ZBBX: variants seen among roughly 807,000 people sequenced by gnomAD.
ZBBX encodes zinc finger B-box domain containing.
In ZBBX, 101 loss-of-function variants were observed where a neutral mutation model predicts 108.5. The observed-to-expected ratio is 0.93, with a 90% confidence interval of 0.79 to 1.10. ZBBX has a LOEUF of 1.10. ZBBX is among the 50% of genes least tolerant of loss of function. The pLI, the probability that ZBBX is intolerant of heterozygous loss-of-function variation, is 0.00. For missense variants in ZBBX, 1,009 were observed against 941.4 expected (o/e 1.07, Z -0.94); for synonymous variants, 356 against 323.4 (o/e 1.10, Z -1.08).
downstream of ZBBX, among the ~76,000 whole-genome samples, chr3:167,239,538 TC>T (rs1488988614): frequency 1.3e-5 from 2 of 152,134 alleles, no homozygotes; most frequent in African/African-American, 2.4e-5. Context: ...TATTTTCTCC[TC>T]CTTATGATTT....
intron 10 of ZBBX, among the ~76,000 whole-genome samples, chr3:167,330,816 A>T (rs1163771335): frequency 1.4e-5 from 2 of 143,842 alleles, no homozygotes; most frequent in African/African-American, 5.1e-5. Flanking sequence ...AAGGAGGAGG[A>T]GAAGCAGAAG....
At chr3:167,204,491 G>A in the ZBBX span, among the ~76,000 whole-genome samples, 6 of 146,712 alleles carry the variant, frequency 4.1e-5, no homozygotes, top group Non-Finnish European at 1.5e-5. Context: ...AATATGCGGT[G>A]TTTGGTTTTT....
chr3:167,366,605 G>T (rs1745357591), intron 5 of ZBBX, among the ~76,000 whole-genome samples: 1 of 151,868 alleles, frequency 6.6e-6, no homozygotes. Flanking sequence ...AAATAATTAA[G>T]ATTGGAGCAC....
At chr3:167,254,936 CAG>C (rs1723235436) in intron 20 of ZBBX, among the ~76,000 whole-genome samples, 1 of 40,808 alleles carries the variant, frequency 2.5e-5, no homozygotes, top group Non-Finnish European at 4.7e-5. Flanking sequence ...GAGAGAGAGA[CAG>C]AGAATCTAGG....
chr3:167,233,318 T>G, the ZBBX span, among the ~76,000 whole-genome samples: 1 of 151,656 alleles, frequency 6.6e-6, no homozygotes, highest in Non-Finnish European at 1.5e-5. Flanking sequence ...GCTTCTAGAG[T>G]TAAATATACA....
chr3:167,246,733 T>C (rs967751271), intron 20 of ZBBX, among the ~76,000 whole-genome samples: 2 of 152,222 alleles, frequency 1.3e-5, no homozygotes, highest in South Asian at 2.1e-4. Context: ...CTAAATTTCT[T>C]CAGGCTACAG....
intron 9 of ZBBX, among the ~76,000 whole-genome samples, chr3:167,341,344 C>A (rs1740502093): frequency 6.6e-6 from 1 of 151,628 alleles, no homozygotes; most frequent in Admixed American, 6.6e-5. Context: ...TCAGTTTGGA[C>A]TCAATATTTA....
the ZBBX span, among the ~76,000 whole-genome samples, chr3:167,179,230 A>G: frequency 6.6e-6 from 1 of 152,228 alleles, no homozygotes; most frequent in African/African-American, 2.4e-5. Flanking sequence ...AAAGAGAATT[A>G]GGTTCCAATC....
the ZBBX span, among the ~76,000 whole-genome samples, chr3:167,197,842 A>G: frequency 6.6e-6 from 1 of 152,226 alleles, no homozygotes; most frequent in Non-Finnish European, 1.5e-5. Flanking sequence ...CAAAAATTGT[A>G]TGAAATAATA....
At chr3:167,336,233 G>A (rs1486227484) in intron 9 of ZBBX, among the ~76,000 whole-genome samples, 1 of 151,848 alleles carries the variant, frequency 6.6e-6, no homozygotes, top group East Asian at 1.9e-4. Context: ...TTTTTAGGTA[G>A]CATATTAAGA....
Position 167,348,342 on chromosome 3 carries a change from AAGAAAGAAAGAAAGAAAGAAAGAAAG to A in ZBBX, c.528+2052_528+2077del, listed in dbSNP as rs1266120889. The stretch of plus-strand genomic sequence containing the variant: ...AAAGAAAGAAAGAAAGAAAGAAAGA[AAGAAAGAAAGAAAGAAAGAAAGAAAG>A]AAAAAAAAGAAAAGAAAAGAAGAAG... On this transcript the variant is annotated intron_variant, in intron 9 of 21. Transcript: ENST00000675490. Among the ~76,000 whole-genome samples the A allele has an allele frequency of 9.0e-4, 99 of 109,824 alleles. 1 individual carries two copies. Among genetic ancestry groups the A allele is most frequent in the African/African-American group, 3.8e-3 (95 of 25,276 alleles). The allele number at this position is 109,824 out of a possible 152,430, so 72.0% of individuals were successfully genotyped here.
At chr3:167,406,933 G>A (rs76154793) in intron 1 of ZBBX, among the ~76,000 whole-genome samples, 4,562 of 152,302 alleles carry the variant, frequency 0.03, 116 homozygotes, top group Non-Finnish European at 0.03. Context: ...TGAAAGATCA[G>A]TTTTATCCAA....
the ZBBX span, among the ~76,000 whole-genome samples, chr3:167,203,706 C>A: frequency 3.3e-5 from 5 of 152,042 alleles, no homozygotes; most frequent in Admixed American, 3.3e-4. Flanking sequence ...TCTTTATAAG[C>A]AATTATCTTC....
At chr3:167,317,459 T>A (rs768456976) in intron 13 of ZBBX, 29 bp downstream of exon 13, 7 of 1,523,314 alleles carry the variant, frequency 4.6e-6, no homozygotes, top group Non-Finnish European at 6.3e-6. Context: ...CAATACATTT[T>A]AAAAATATCT....
At chr3:167,204,511 G>A in the ZBBX span, among the ~76,000 whole-genome samples, 4 of 147,694 alleles carry the variant, frequency 2.7e-5, no homozygotes, top group South Asian at 4.4e-4. Context: ...TTGTTCTTGC[G>A]ATAGTTTACT....
At chr3:167,343,148 G>GC in intron 9 of ZBBX, among the ~76,000 whole-genome samples, 1 of 151,982 alleles carries the variant, frequency 6.6e-6, no homozygotes, top group Middle Eastern at 3.4e-3. Flanking sequence ...CCTTCTATGA[G>GC]CAGAATATTT....
At chr3:167,207,199 T>C in the ZBBX span, among the ~76,000 whole-genome samples, 1 of 152,208 alleles carries the variant, frequency 6.6e-6, no homozygotes, top group Non-Finnish European at 1.5e-5. Flanking sequence ...TATTTGTGAA[T>C]ATTTGCAAAT....
At chr3:167,385,128 T>C (rs888609876), upstream of ZBBX, among the ~76,000 whole-genome samples, 3 of 152,044 alleles carry the variant, frequency 2.0e-5, no homozygotes, top group Non-Finnish European at 4.4e-5. Flanking sequence ...AAGAAATATG[T>C]GATTAGGTTA....
rs559705307 is a variant in ZBBX, at chr3:167,334,288, T to G, written c.529-303A>C. ...TTTTAGGAATTAAGAAAACTAAAGCTTAGGCCGGGCGTGGTGGCTCGCTCC... is the reference window on the plus strand; with the variant it reads ...TTTTAGGAATTAAGAAAACTAAAGCGTAGGCCGGGCGTGGTGGCTCGCTCC... On this transcript the variant is annotated intron_variant, in intron 9 of 21. Coordinates refer to ENST00000675490, the MANE Select transcript of ZBBX (RefSeq NM_001199201.2). Among the ~76,000 whole-genome samples, 4 of 152,220 alleles carry G rather than the reference T, an allele frequency of 2.6e-5. No individual in the cohort carries two copies. The South Asian group carries it at 8.3e-4, about 32-fold the overall frequency.
Sources: allele counts gnomAD v4.1 joint callset (sites outside exome capture counted in the v4.1 genomes callset), GRCh38; gene constraint gnomAD v4.1.1; transcripts MANE v1.5; gene names NCBI Gene and HGNC (gene_info 2026-07-23, HGNC 2026-07-21).